GLIS1: variants seen among roughly 807,000 people sequenced by gnomAD.
The protein encoded by GLIS1 is GLIS family zinc finger 1, also known as zinc finger protein GLIS1.
A neutral mutation model predicts 63.8 loss-of-function variants in GLIS1; 24 were observed. The observed-to-expected ratio is 0.38, with a 90% confidence interval of 0.27 to 0.53. The LOEUF is 0.53. Among genes scored for constraint, GLIS1 ranks in the 20% least tolerant of loss-of-function variants. The probability of loss-of-function intolerance (pLI) is 0.85; values close to 1 mark genes in which losing one functional copy is unlikely to be tolerated. For synonymous variants in GLIS1, 450 were observed against 482.5 expected (o/e 0.93, Z 0.88); for missense variants, 1,036 against 1,074.1 (o/e 0.96, Z 0.50).
intron 2 of GLIS1, among the ~76,000 whole-genome samples, chr1:53,640,843 G>A (rs1015266572): frequency 6.6e-6 from 1 of 151,934 alleles, no homozygotes; most frequent in Non-Finnish European, 1.5e-5. Flanking sequence ...ACACACACAC[G>A]CTCATGCTTG....
chr1:53,527,158 AG>A (rs2100321626), intron 5 of GLIS1, among the ~76,000 whole-genome samples: 1 of 152,354 alleles, frequency 6.6e-6, no homozygotes, highest in South Asian at 2.1e-4. Flanking sequence ...CAGCGGGGAG[AG>A]GGAGGGAGCG....
intron 2 of GLIS1, among the ~76,000 whole-genome samples, chr1:53,689,686 C>T (rs978313186): frequency 3.9e-5 from 6 of 152,194 alleles, no homozygotes; most frequent in Non-Finnish European, 8.8e-5. Flanking sequence ...CTAGGCAAAC[C>T]GAGCCCCTCT....
intron 4 of GLIS1, among the ~76,000 whole-genome samples, chr1:53,530,297 G>T (rs935956370): frequency 3.3e-5 from 5 of 152,220 alleles, no homozygotes; most frequent in African/African-American, 4.8e-5. Flanking sequence ...TCAGGGCAGG[G>T]GTGTGTCCCA....
chr1:53,610,337 A>T (rs1002083255), intron 2 of GLIS1, among the ~76,000 whole-genome samples: 7 of 152,224 alleles, frequency 4.6e-5, no homozygotes, highest in South Asian at 2.1e-4. Context: ...AAAAATTTTT[A>T]AAAATTGTAA....
intron 2 of GLIS1, among the ~76,000 whole-genome samples, chr1:53,664,030 C>A (rs755077081): frequency 6.6e-6 from 1 of 152,208 alleles, no homozygotes; most frequent in Non-Finnish European, 1.5e-5. Context: ...GGCAGAGAAT[C>A]CAACTCAGAA....
chr1:53,690,399 T>C (rs1646389727), intron 2 of GLIS1, among the ~76,000 whole-genome samples: 2 of 152,244 alleles, frequency 1.3e-5, no homozygotes, highest in African/African-American at 4.8e-5. Context: ...ACTGGCCTCA[T>C]ATGAGACATG....
At chr1:53,661,096 T>C (rs1399330150) in intron 2 of GLIS1, among the ~76,000 whole-genome samples, 1 of 152,242 alleles carries the variant, frequency 6.6e-6, no homozygotes, top group Non-Finnish European at 1.5e-5. Context: ...GTCTCAGCAC[T>C]GCCTGGCTCA....
chr1:53,599,774 T>A (rs1186155319), intron 3 of GLIS1, among the ~76,000 whole-genome samples: 2 of 152,176 alleles, frequency 1.3e-5, no homozygotes, highest in Admixed American at 6.5e-5. Flanking sequence ...TATCAGCAGT[T>A]CAGGGTTTGA....
At chr1:53,516,437 G>A (rs974141546) in intron 7 of GLIS1, among the ~76,000 whole-genome samples, 16 of 151,960 alleles carry the variant, frequency 1.1e-4, no homozygotes, top group African/African-American at 3.9e-4. Flanking sequence ...ATGGCGGGGA[G>A]CAAAATAAAT....
intron 9 of GLIS1, 24 bp from the exon 10 acceptor site, chr1:53,509,311 C>G (rs781143987): frequency 2.6e-6 from 4 of 1,544,238 alleles, no homozygotes; most frequent in South Asian, 1.2e-5. Context: ...TAGCAGGGGC[C>G]GCGTTCACAA....
chr1:53,622,442 AAAAAAAAAG>A (rs1352883458), intron 2 of GLIS1, among the ~76,000 whole-genome samples: 1 of 34,656 alleles, frequency 2.9e-5, no homozygotes, highest in African/African-American at 5.3e-5. Flanking sequence ...AAAAAAAAAA[AAAAAAAAAG>A]AAGAAGAAGA....
At chr1:53,617,295 A>G (rs1645492295) in intron 2 of GLIS1, among the ~76,000 whole-genome samples, 1 of 152,216 alleles carries the variant, frequency 6.6e-6, no homozygotes. Context: ...GTCTCACACT[A>G]ACTTTCTAAT....
At chr1:53,619,753 G>T (rs1022838445) in intron 2 of GLIS1, among the ~76,000 whole-genome samples, 1 of 152,238 alleles carries the variant, frequency 6.6e-6, no homozygotes, top group African/African-American at 2.4e-5. Context: ...ACCTTGAGAA[G>T]CATCCCTCAG....
At chr1:53,677,113 C>T (rs1339944108) in intron 2 of GLIS1, among the ~76,000 whole-genome samples, 5 of 152,336 alleles carry the variant, frequency 3.3e-5, no homozygotes, top group African/African-American at 9.6e-5. Flanking sequence ...GAGGATGACG[C>T]CGGCCTACAG....
At chr1:53,549,293 T>C (rs1021588116) in intron 4 of GLIS1, among the ~76,000 whole-genome samples, 1 of 152,260 alleles carries the variant, frequency 6.6e-6, no homozygotes, top group Non-Finnish European at 1.5e-5. Context: ...CTCTTTGCTC[T>C]ATACCTAGGA....
At chr1:53,633,373 T>C (rs562795441) in intron 2 of GLIS1, among the ~76,000 whole-genome samples, 2 of 147,352 alleles carry the variant, frequency 1.4e-5, no homozygotes, top group South Asian at 4.4e-4. Context: ...TGAATGAGTG[T>C]GACTGAGGGG....
chr1:53,549,221 TA>T (rs1644735252), intron 4 of GLIS1, among the ~76,000 whole-genome samples: 1 of 152,260 alleles, frequency 6.6e-6, no homozygotes, highest in Non-Finnish European at 1.5e-5. Flanking sequence ...CTTTGGCTAT[TA>T]TGATGAATGC....
chr1:53,727,023 C>T (rs1330284109), intron 2 of GLIS1, among the ~76,000 whole-genome samples: 1 of 152,158 alleles, frequency 6.6e-6, no homozygotes. Flanking sequence ...TCTTAATCCC[C>T]CTAGCAATCC....
chr1:53,527,886 A>G (rs554567842), intron 5 of GLIS1, among the ~76,000 whole-genome samples: 27 of 152,214 alleles, frequency 1.8e-4, no homozygotes, highest in African/African-American at 5.8e-4. Flanking sequence ...GCCTGGCCTG[A>G]CCTAGACCTT....
Sources: gnomAD v4.1 joint callset for allele counts (sites outside exome capture counted in the v4.1 genomes callset) on GRCh38, gnomAD v4.1.1 for gene constraint, MANE v1.5 for transcripts, NCBI Gene and HGNC (gene_info 2026-07-23, HGNC 2026-07-21) for gene names.